RTN4RL2: variants seen among roughly 807,000 people sequenced by gnomAD.
RTN4RL2 encodes reticulon-4 receptor-like 2.
In RTN4RL2, 9 loss-of-function variants were observed where a neutral mutation model predicts 27.8. The observed-to-expected ratio is 0.32, with a 90% CI of 0.20 to 0.57. The LOEUF is 0.57. Ranked by LOEUF, RTN4RL2 falls within the 20% of genes least tolerant of loss-of-function variation. RTN4RL2 has a pLI of 0.90. For missense variants in RTN4RL2, 436 were observed against 596.8 expected, an observed-to-expected ratio of 0.73 and a Z score of 2.81; for synonymous variants, 285 against 297.9, an observed-to-expected ratio of 0.96 and a Z score of 0.45.
At chr11:57,465,930 T>C (rs1590730798) in intron 1 of RTN4RL2, among the ~76,000 whole-genome samples, 1 of 151,048 alleles carries the variant, frequency 6.6e-6, no homozygotes, top group East Asian at 1.9e-4. Flanking sequence ...GGTGGGAGGA[T>C]TGTTTGAGGC....
intron 2 of RTN4RL2, chr11:57,468,522 T>C: frequency 6.6e-7 from 1 of 1,512,378 alleles, no homozygotes; most frequent in Non-Finnish European, 8.9e-7. Flanking sequence ...CTTTCTGTGA[T>C]CTCACGTGTT....
chr11:57,465,098 G>T (rs954184489), intron 1 of RTN4RL2, among the ~76,000 whole-genome samples: 2 of 152,202 alleles, frequency 1.3e-5, no homozygotes, highest in African/African-American at 4.8e-5. Flanking sequence ...GGGCCCAAAA[G>T]CGAGGAGCAG....
Position 57,476,625 on chromosome 11 carries a change from G to A in RTN4RL2, c.977G>A (p.Ser326Asn), listed in dbSNP as rs1943598250. 1 of 1,420,182 alleles carries A rather than the reference G, an allele frequency of 7.0e-7. No homozygotes were observed. The highest frequency in any genetic ancestry group is 1.5e-5 in the South Asian group (1 of 64,882). 88.0% of individuals were successfully genotyped at this position (1,420,182 alleles called of 1,614,324 possible). ...TRPGSRARGN[S>N]SSNHLYGVAE... Reference sequence around the variant, plus strand: ...CCGGGCAGCCGCGCCCGCGGCAACAGCTCCTCCAACCACCTGTACGGGGTG... The same window carrying A: ...CCGGGCAGCCGCGCCCGCGGCAACAACTCCTCCAACCACCTGTACGGGGTG... Residue 326 changes from serine (S) to asparagine (N), a missense_variant, in exon 3 of 3, where the codon AGC becomes AAC. Coordinates refer to ENST00000335099, the MANE Select transcript of RTN4RL2 (RefSeq NM_178570.3). The surrounding 1 kb of genome is among the most constrained non-coding windows in gnomAD (Gnocchi z 8.2).
At chr11:57,468,597 T>TCACC in intron 2 of RTN4RL2, 1 of 1,536,712 alleles carries the variant, frequency 6.5e-7, no homozygotes, top group African/African-American at 1.4e-5. Flanking sequence ...GCTGTTTTTC[T>TCACC]CACCCACCCT....
chr11:57,467,144 G>A lies in RTN4RL2; in HGVS notation c.32-465G>A, dbSNP rs1395247633. 5.3e-5 allele frequency among the ~76,000 whole-genome samples: 8 copies of A among 152,196 alleles called. No homozygotes were observed. The highest frequency in any genetic ancestry group is 3.9e-4 in the Admixed American group (6 of 15,280). ...GAAAGTGGAAGTGGCCAGGCCACTTGAGGCTATAACGTTGTCCCCTGAGCC... is the reference window on the plus strand; with the variant it reads ...GAAAGTGGAAGTGGCCAGGCCACTTAAGGCTATAACGTTGTCCCCTGAGCC... On this transcript the variant is annotated intron_variant, in intron 1 of 2. Transcript: ENST00000335099. The surrounding 1 kb of genome is among the most constrained non-coding windows in gnomAD (Gnocchi z 5.5).
intron 2 of RTN4RL2, among the ~76,000 whole-genome samples, chr11:57,470,349 G>A (rs1435208606): frequency 1.3e-5 from 2 of 152,112 alleles, no homozygotes; most frequent in East Asian, 3.9e-4. Flanking sequence ...CCAGGCTCAA[G>A]TGATTTTCCT....
rs956846374 is a variant in RTN4RL2, at chr11:57,476,057, C to A, written c.514-105C>A. 510 of 1,093,996 alleles carry A rather than the reference C, an allele frequency of 4.7e-4. No homozygotes were observed. Among genetic ancestry groups the A allele is most frequent in the Non-Finnish European group, 5.4e-4 (407 of 751,572 alleles). The allele number at this position is 1,093,996 out of a possible 1,614,324, so 67.8% of individuals were successfully genotyped here. On this transcript the variant is annotated intron_variant, in intron 2 of 2. Coordinates refer to ENST00000335099, the MANE Select transcript of RTN4RL2 (RefSeq NM_178570.3). This position sits in a 1 kb window ranked among gnomAD's most constrained non-coding sequence, Gnocchi z 8.2. ...AATCAAAAGGTCAACCCTTTCTCTT[C>A]TGCCACGGTGCACCCCCTTCCCTCC...
chr11:57,460,920 G>A (rs1943478724), intron 1 of RTN4RL2, 24 bp downstream of exon 1: 2 of 1,376,696 alleles, frequency 1.5e-6, no homozygotes, highest in Admixed American at 2.8e-5. Flanking sequence ...CGGCGGGAGA[G>A]CGGAGGGCAT....
intron 2 of RTN4RL2, among the ~76,000 whole-genome samples, chr11:57,471,939 A>G (rs994430850): frequency 6.6e-6 from 1 of 151,766 alleles, no homozygotes; most frequent in Non-Finnish European, 1.5e-5. Context: ...GCTCACTGCA[A>G]CCTCTGCCTC....
intron 2 of RTN4RL2, among the ~76,000 whole-genome samples, chr11:57,474,211 G>A (rs1274635158): frequency 6.6e-6 from 1 of 152,192 alleles, no homozygotes; most frequent in Non-Finnish European, 1.5e-5. Flanking sequence ...GGCAGCAGGG[G>A]GCGGAGAATG....
chr11:57,464,567 T>C (rs1009017377), intron 1 of RTN4RL2, among the ~76,000 whole-genome samples: 3 of 152,224 alleles, frequency 2.0e-5, no homozygotes, highest in Non-Finnish European at 4.4e-5. Context: ...GTGCCCTGGC[T>C]GGGCATCAAG....
rs146965798 is a variant in RTN4RL2 at position 57,476,200 on chromosome 11, C to G, written c.552C>G (p.Leu184=). 5.6e-6 allele frequency: 9 copies of G among 1,611,048 alleles called. No homozygotes were observed. Among genetic ancestry groups the G allele is most frequent in the Non-Finnish European group, 7.6e-6 (9 of 1,178,564 alleles). Residue 184 remains leucine (L), a synonymous_variant, in exon 3 of 3, where the codon CTC becomes CTG. Coordinates refer to ENST00000335099, the MANE Select transcript of RTN4RL2 (RefSeq NM_178570.3). The surrounding 1 kb of genome is among the most constrained non-coding windows in gnomAD (Gnocchi z 8.2). The part of the protein sequence containing the change: ...LFADLANLSH[L]FLHGNRLRLL... ...CGGACCTGGCCAACCTGAGCCACCT[C>G]TTCCTCCACGGGAACCGCCTGCGGC...
At chr11:57,468,578 G>C (rs1393053391) in intron 2 of RTN4RL2, 4 of 1,536,714 alleles carry the variant, frequency 2.6e-6, no homozygotes, top group Non-Finnish European at 3.5e-6. Flanking sequence ...CTGCCCAAAG[G>C]CCTTTGCAGC....
At chr11:57,465,307 C>T (rs1435586400) in intron 1 of RTN4RL2, among the ~76,000 whole-genome samples, 2 of 152,224 alleles carry the variant, frequency 1.3e-5, no homozygotes, top group South Asian at 2.1e-4. Context: ...CACACATTCA[C>T]GCACACGGCA....
intron 2 of RTN4RL2, among the ~76,000 whole-genome samples, chr11:57,470,667 A>T (rs550782407): frequency 6.6e-6 from 1 of 152,290 alleles, no homozygotes; most frequent in East Asian, 1.9e-4. Flanking sequence ...TACTACTACT[A>T]CTACTAATAC....
At position 57,476,119 on chromosome 11, in the gene RTN4RL2, C is replaced by T; in HGVS notation, c.514-43C>T. ...CCCCAGCGGGGTCTGCACCCTACCT[C>T]AGGCCCATTCTCTTCTTCTGTGCCC... On this transcript the variant is annotated intron_variant, in intron 2 of 2. Coordinates refer to ENST00000335099, the MANE Select transcript of RTN4RL2 (RefSeq NM_178570.3). The surrounding 1 kb of genome is among the most constrained non-coding windows in gnomAD (Gnocchi z 8.2). The T allele has an allele frequency of 6.4e-7, 1 of 1,562,182 alleles. No individual in the cohort carries two copies. Among genetic ancestry groups the T allele is most frequent in the Non-Finnish European group, 8.7e-7 (1 of 1,151,214 alleles).
At chr11:57,475,123 G>T (rs1485512362) in intron 2 of RTN4RL2, among the ~76,000 whole-genome samples, 1 of 152,130 alleles carries the variant, frequency 6.6e-6, no homozygotes, top group Non-Finnish European at 1.5e-5. Flanking sequence ...ATTTATTGAT[G>T]GTTGACTATG....
chr11:57,475,701 G>A (rs1053011943), intron 2 of RTN4RL2, among the ~76,000 whole-genome samples: 1 of 152,088 alleles, frequency 6.6e-6, no homozygotes, highest in African/African-American at 2.4e-5. Flanking sequence ...ACTTGCCCAC[G>A]GTGGCATCAG....
chr11:57,464,817 G>A (rs2584863), intron 1 of RTN4RL2, among the ~76,000 whole-genome samples: 17 of 152,162 alleles, frequency 1.1e-4, no homozygotes, highest in African/African-American at 7.2e-5. Flanking sequence ...GATGAGGGGT[G>A]AGAGACATTG....
Sources: allele counts gnomAD v4.1 joint callset (sites outside exome capture counted in the v4.1 genomes callset), GRCh38; gene constraint gnomAD v4.1.1; non-coding constraint Gnocchi (gnomAD v3.1); transcripts MANE v1.5; gene names NCBI Gene and HGNC (gene_info 2026-07-23, HGNC 2026-07-21).